Variants in BBOX1 observed in about 807,000 individuals in gnomAD.
BBOX1 encodes the protein gamma-butyrobetaine dioxygenase.
Under a neutral mutation model 41.6 loss-of-function variants are expected in BBOX1, and 35 were observed. The observed-to-expected ratio is 0.84, with a 90% CI of 0.64 to 1.11. The LOEUF is 1.11. Ranked by LOEUF, BBOX1 falls within the 50% of genes most tolerant of loss-of-function variation. The probability of loss-of-function intolerance (pLI) is 0.00; values close to 1 mark genes in which losing one functional copy is unlikely to be tolerated. For missense variants in BBOX1, 458 were observed against 460.6 expected (o/e 0.99, Z 0.05); for synonymous variants, 163 against 154.7 (o/e 1.05, Z -0.40).
intron 7 of BBOX1, among the ~76,000 whole-genome samples, chr11:27,121,925 T>C (rs1029422718): frequency 6.6e-6 from 1 of 152,160 alleles, no homozygotes; most frequent in Non-Finnish European, 1.5e-5. Flanking sequence ...GGCTTTGATA[T>C]TTTCTGTAGT....
intron 5 of BBOX1, among the ~76,000 whole-genome samples, chr11:27,108,512 A>G (rs1189748605): frequency 1.3e-5 from 2 of 152,116 alleles, no homozygotes; most frequent in Admixed American, 6.6e-5. Flanking sequence ...GCCAGTGTTG[A>G]CAATCGTCTG....
chr11:27,066,411 C>A (rs949417781), intron 4 of BBOX1: 1 of 152,074 alleles, frequency 6.6e-6, no homozygotes, highest in African/African-American at 2.4e-5. Flanking sequence ...ATAAATTTGT[C>A]CTGCCAATTT....
intron 2 of BBOX1, 190 bp from the exon 3 acceptor site, chr11:27,055,203 C>T (rs1856941293): frequency 2.3e-6 from 1 of 444,016 alleles, no homozygotes; most frequent in African/African-American, 2.0e-5. Flanking sequence ...CTTTTAGTCA[C>T]TGTGTTTCTG....
intron 4 of BBOX1, among the ~76,000 whole-genome samples, chr11:27,063,982 G>C (rs1267670883): frequency 6.6e-6 from 1 of 152,156 alleles, no homozygotes; most frequent in African/African-American, 2.4e-5. Context: ...ACAAAGCATT[G>C]TCATAAAGCA....
At chr11:27,080,645 C>T (rs1857803710) in intron 4 of BBOX1, among the ~76,000 whole-genome samples, 1 of 152,054 alleles carries the variant, frequency 6.6e-6, no homozygotes, top group Non-Finnish European at 1.5e-5. Context: ...GACACAGACT[C>T]AGGCAGGTTG....
rs117872194 is a variant in BBOX1 at position 27,058,322 on chromosome 11, T to C, written c.334+1007T>C. On this transcript the variant is annotated intron_variant, in intron 4 of 8. Coordinates refer to ENST00000263182, the MANE Select transcript of BBOX1 (RefSeq NM_003986.3). ...ATAGCCTGCAAAACCATGAGCCAAT[T>C]TAACTTCTTTTCTTTATAAATTACC... 3.8e-4 allele frequency among the ~76,000 whole-genome samples: 58 copies of C among 152,284 alleles called. No homozygotes were observed. The East Asian group carries it at 9.3e-3, about 24-fold the overall frequency.
intron 2 of BBOX1, among the ~76,000 whole-genome samples, chr11:27,053,219 C>T (rs559098237): frequency 6.6e-6 from 1 of 152,240 alleles, no homozygotes; most frequent in South Asian, 2.1e-4. Context: ...AAAGAAGATA[C>T]TTATTATATA....
rs1003913650 is a variant in BBOX1, at chr11:27,093,325, A to G, written c.492A>G (p.Lys164=). The change falls in exon 5 of 9, where the codon AAA becomes AAG. Residue 164 remains lysine, a synonymous_variant. Transcript: ENST00000263182. The part of the protein sequence containing the change: ...GASDKPGEVS[K]LGKRMGFLYL... Reference sequence around the variant, plus strand: ...CTGACAAACCAGGAGAAGTTTCAAAACTTGGGAAAAGGATGGGTTTCCTCT... The same window carrying G: ...CTGACAAACCAGGAGAAGTTTCAAAGCTTGGGAAAAGGATGGGTTTCCTCT... 6.2e-7 allele frequency: 1 copy of G among 1,612,280 alleles called. No homozygotes were observed. Among genetic ancestry groups the G allele is most frequent in the South Asian group, 1.1e-5 (1 of 91,034 alleles).
At chr11:27,086,754 G>T (rs1160850832) in intron 4 of BBOX1, among the ~76,000 whole-genome samples, 1 of 152,058 alleles carries the variant, frequency 6.6e-6, no homozygotes, top group Admixed American at 6.6e-5. Flanking sequence ...ATGGCTGTGG[G>T]CAAAATAAAT....
At chr11:27,067,223 C>A (rs1857314809) in intron 4 of BBOX1, among the ~76,000 whole-genome samples, 1 of 151,986 alleles carries the variant, frequency 6.6e-6, no homozygotes, top group Non-Finnish European at 1.5e-5. Flanking sequence ...AGGTTTATTT[C>A]TTTTTTTAAT....
chr11:27,041,646 G>A (rs1025559499), intron 2 of BBOX1, among the ~76,000 whole-genome samples, 168 bp downstream of exon 2: 3 of 152,156 alleles, frequency 2.0e-5, no homozygotes, highest in Non-Finnish European at 4.4e-5. Flanking sequence ...AGTCATGTGG[G>A]CTGTGCTGGG....
chr11:27,072,107 A>C (rs1485022827), intron 4 of BBOX1, among the ~76,000 whole-genome samples: 2 of 152,190 alleles, frequency 1.3e-5, no homozygotes, highest in African/African-American at 4.8e-5. Flanking sequence ...AGGGTATTCA[A>C]TTAGGAAAAG....
chr11:27,052,299 T>C (rs4923416), intron 2 of BBOX1, among the ~76,000 whole-genome samples: 151,745 of 152,168 alleles, frequency 1, 75,666 homozygotes, highest in South Asian at 1. Context: ...CCACAGTTCT[T>C]ATTTCTTTTA....
chr11:27,049,753 C>T (rs1283543188), intron 2 of BBOX1, among the ~76,000 whole-genome samples: 1 of 152,118 alleles, frequency 6.6e-6, no homozygotes, highest in Non-Finnish European at 1.5e-5. Context: ...TAAGTAAAAA[C>T]ATAGATGGCC....
chr11:27,127,425 T>C lies in BBOX1; in HGVS notation c.1136T>C (p.Leu379Ser). ...WDVVMSRLRILRQRVENGN is the reference protein window; with the variant it reads ...WDVVMSRLRISRQRVENGN ...GTGGTCATGTCAAGGCTTCGTATCT[T>C]AAGGCAGAGGGTGGAGAATGGAAAC... is the stretch of plus-strand genomic sequence containing the variant. Residue 379 changes from leucine to serine, a missense_variant, in exon 9 of 9, where the codon TTA becomes TCA. Leu to Ser is a moderately radical substitution (Grantham distance 145, BLOSUM62 -2). Transcript: ENST00000263182. 2 of 1,611,566 alleles carry C rather than the reference T, an allele frequency of 1.2e-6. No individual in the cohort carries two copies. Among genetic ancestry groups the C allele is most frequent in the South Asian group, 1.1e-5 (1 of 90,104 alleles).
chr11:27,063,392 G>GA (rs1047410011), intron 4 of BBOX1, among the ~76,000 whole-genome samples: 16 of 149,414 alleles, frequency 1.1e-4, no homozygotes, highest in Non-Finnish European at 1.3e-4. Context: ...GACCAAAATG[G>GA]AAAAAAAAAT....
intron 4 of BBOX1, among the ~76,000 whole-genome samples, chr11:27,065,597 A>G (rs1180151911): frequency 1.3e-5 from 2 of 152,124 alleles, no homozygotes; most frequent in Non-Finnish European, 2.9e-5. Flanking sequence ...AAATCTGCCT[A>G]ATTTTGGGCT....
Position 27,076,483 on chromosome 11 carries a change from C to T in BBOX1, c.335-16685C>T, listed in dbSNP as rs148208738. On this transcript the variant is annotated intron_variant, in intron 4 of 8. Transcript: ENST00000263182. ...CACTGTGTTATTCTACCTGCAGATG[C>T]TGTAATGGACTGTGTCAGTTGGCCT... 2.0e-3 allele frequency among the ~76,000 whole-genome samples: 309 copies of T among 152,260 alleles called. 2 individuals are homozygous for T. Among genetic ancestry groups the T allele is most frequent in the African/African-American group, 7.1e-3 (295 of 41,556 alleles).
chr11:27,061,754 A>G (rs1857139879), intron 4 of BBOX1, among the ~76,000 whole-genome samples: 1 of 152,140 alleles, frequency 6.6e-6, no homozygotes, highest in Non-Finnish European at 1.5e-5. Flanking sequence ...AAGACAAATG[A>G]TCATCATCCA....
Sources: gnomAD v4.1 joint callset for allele counts (sites outside exome capture counted in the v4.1 genomes callset) on GRCh38, gnomAD v4.1.1 for gene constraint, MANE v1.5 for transcripts, NCBI Gene and HGNC (gene_info 2026-07-23, HGNC 2026-07-21) for gene names.